ADGRB3: variants seen among roughly 807,000 people sequenced by gnomAD.
The protein encoded by ADGRB3 is brain-specific angiogenesis inhibitor 3.
In ADGRB3, 37 loss-of-function variants were observed where a neutral mutation model predicts 193.4. The ratio of observed to expected loss-of-function variants is 0.19; its 90% CI spans 0.15 to 0.25. The LOEUF is 0.25. Ranked by LOEUF, ADGRB3 falls within the 10% of genes least tolerant of loss-of-function variation. ADGRB3 has a pLI of 1.00. For missense variants in ADGRB3, 1,637 were observed against 1,852.9 expected (o/e 0.88, Z 2.14); for synonymous variants, 690 against 644.2 (o/e 1.07, Z -1.08).
chr6:69,341,879 C>T lies in ADGRB3; in HGVS notation c.3459+2375C>T, dbSNP rs555543856. Among the ~76,000 whole-genome samples, 4 of 152,066 alleles carry T rather than the reference C, an allele frequency of 2.6e-5. No individual in the cohort carries two copies. In the East Asian group the frequency reaches 7.7e-4, roughly 29 times the overall value. On this transcript the variant is annotated intron_variant, in intron 26 of 31. Transcript: ENST00000370598. ...TGCAGTTTTTAGAAGATACTAATACCTTAGGTGTTTAGGAGTAGAACAGTG... is the reference window on the plus strand; with the variant it reads ...TGCAGTTTTTAGAAGATACTAATACTTTAGGTGTTTAGGAGTAGAACAGTG...
In ADGRB3 at chr6:69,260,166, A is replaced by G. The variant is rs1766893855; in HGVS notation, c.2814+20940A>G. On this transcript the variant is annotated intron_variant, in intron 20 of 31. Transcript: ENST00000370598. ...TGAAGGAGGAACACATTAACAGTCAATTTTCTATTAAAAATTAATTTATTA... is the reference window on the plus strand; with the variant it reads ...TGAAGGAGGAACACATTAACAGTCAGTTTTCTATTAAAAATTAATTTATTA... 2.0e-5 allele frequency among the ~76,000 whole-genome samples: 3 copies of G among 152,186 alleles called. No individual in the cohort carries two copies. In the South Asian group the frequency reaches 6.2e-4, roughly 31 times the overall value.
chr6:69,141,941 A>C (rs1053635815), intron 17 of ADGRB3, among the ~76,000 whole-genome samples: 1 of 152,168 alleles, frequency 6.6e-6, no homozygotes, highest in South Asian at 2.1e-4. Flanking sequence ...AATTACATAC[A>C]TTGTCTCAAA....
intron 16 of ADGRB3, 121 bp downstream of exon 16, chr6:69,063,157 G>A: frequency 1.5e-6 from 1 of 651,008 alleles, no homozygotes; most frequent in Non-Finnish European, 2.6e-6. Context: ...ATATTAACTT[G>A]TTATGAGTAT....
At chr6:69,221,408 G>A (rs1156735638) in intron 17 of ADGRB3, among the ~76,000 whole-genome samples, 2 of 152,064 alleles carry the variant, frequency 1.3e-5, no homozygotes, top group African/African-American at 2.4e-5. Context: ...CTTTTCCACT[G>A]CTACTCTCTG....
chr6:69,276,683 A>G (rs1001151045), intron 20 of ADGRB3, among the ~76,000 whole-genome samples: 6 of 152,148 alleles, frequency 3.9e-5, no homozygotes, highest in Admixed American at 3.9e-4. Context: ...GAATGAATAA[A>G]CGAACAGGGT....
intron 3 of ADGRB3, among the ~76,000 whole-genome samples, chr6:68,683,058 T>C (rs1764924245): frequency 6.6e-6 from 1 of 152,268 alleles, no homozygotes; most frequent in Non-Finnish European, 1.5e-5. Flanking sequence ...GTGCTGGGAT[T>C]ATAGGCATGA....
rs1035299818 is a variant in ADGRB3 at position 69,160,319 on chromosome 6, C to T, written c.2481-72971C>T. Among the ~76,000 whole-genome samples the T allele has an allele frequency of 5.9e-5, 9 of 152,168 alleles. 1 individual carries two copies. In the South Asian group the frequency reaches 1.9e-3, roughly 32 times the overall value. On this transcript the variant is annotated intron_variant, in intron 17 of 31. Transcript: ENST00000370598. The stretch of plus-strand genomic sequence containing the variant: ...TCTCTCCTCCTGCCTTTCATCTCTG[C>T]CCTCATGTGCTACCTACCCCTTCAC...
chr6:69,250,699 G>T (rs1260410286), intron 20 of ADGRB3, among the ~76,000 whole-genome samples: 1 of 152,194 alleles, frequency 6.6e-6, no homozygotes, highest in Non-Finnish European at 1.5e-5. Context: ...CATTCCAGGT[G>T]TAATGGAAGC....
intron 17 of ADGRB3, among the ~76,000 whole-genome samples, chr6:69,153,475 G>A (rs1323168954): frequency 6.6e-6 from 1 of 152,160 alleles, no homozygotes; most frequent in African/African-American, 2.4e-5. Flanking sequence ...ATAATAAGGG[G>A]TTGACATTTT....
chr6:69,292,537 TCTTA>T (rs1291675275), intron 20 of ADGRB3, among the ~76,000 whole-genome samples: 1 of 152,182 alleles, frequency 6.6e-6, no homozygotes, highest in Non-Finnish European at 1.5e-5. Context: ...GTCTGTCCAT[TCTTA>T]CTTCCTTCCA....
At chr6:69,043,334 G>GAAAGGAAGGAAGAAAGAAAGAA (rs1554252119) in intron 13 of ADGRB3, among the ~76,000 whole-genome samples, 3,418 of 110,062 alleles carry the variant, frequency 0.031, 241 homozygotes, top group Middle Eastern at 0.098. Context: ...GAAAGAAAGA[G>GAAAGGAAGGAAGAAAGAAAGAA]AAAGAAAAGA....
intron 3 of ADGRB3, among the ~76,000 whole-genome samples, chr6:68,926,129 T>C (rs1461966028): frequency 6.6e-6 from 1 of 152,090 alleles, no homozygotes; most frequent in Non-Finnish European, 1.5e-5. Context: ...ACTTGCACTT[T>C]GGAGAAACAA....
In ADGRB3 at chr6:69,179,839, G is replaced by A. The variant is rs149193679; in HGVS notation, c.2481-53451G>A. ...TAGGTGACACTTATGGGTAAGAGCTGTCTGTGGCCTGTAATGACTAGGCAT... is the reference window on the plus strand; with the variant it reads ...TAGGTGACACTTATGGGTAAGAGCTATCTGTGGCCTGTAATGACTAGGCAT... On this transcript the variant is annotated intron_variant, in intron 17 of 31. Coordinates refer to ENST00000370598, the MANE Select transcript of ADGRB3 (RefSeq NM_001704.3). Among the ~76,000 whole-genome samples, 71 of 152,306 alleles carry A rather than the reference G, an allele frequency of 4.7e-4. 1 individual carries two copies. In the East Asian group the frequency reaches 0.012, roughly 26 times the overall value.
intron 3 of ADGRB3, among the ~76,000 whole-genome samples, chr6:68,740,618 C>T (rs933124283): frequency 3.6e-4 from 54 of 152,080 alleles, no homozygotes; most frequent in Non-Finnish European, 3.1e-4. Flanking sequence ...GGAATCATGT[C>T]CTTGTATGGG....
At chr6:69,159,210 C>T (rs1373605244) in intron 17 of ADGRB3, among the ~76,000 whole-genome samples, 2 of 152,044 alleles carry the variant, frequency 1.3e-5, no homozygotes. Context: ...TCCTCCTAAT[C>T]TACTTTTATG....
intron 20 of ADGRB3, among the ~76,000 whole-genome samples, chr6:69,253,288 C>A (rs1392877427): frequency 1.3e-5 from 2 of 152,010 alleles, no homozygotes; most frequent in Non-Finnish European, 2.9e-5. Context: ...TTTGTCTAAT[C>A]TAGGTTCTTT....
At chr6:69,043,214 A>C (rs552224775) in intron 13 of ADGRB3, among the ~76,000 whole-genome samples, 132 of 151,918 alleles carry the variant, frequency 8.7e-4, no homozygotes, top group African/African-American at 2.9e-3. Context: ...AGAAAAAAGA[A>C]GAGACAAGAA....
At chr6:68,802,283 A>AT (rs1469236546) in intron 3 of ADGRB3, among the ~76,000 whole-genome samples, 1 of 151,740 alleles carries the variant, frequency 6.6e-6, no homozygotes, top group African/African-American at 2.4e-5. Context: ...AGGTGGATTA[A>AT]TTTTATTATA....
At chr6:69,248,403 A>G (rs1057191593) in intron 20 of ADGRB3, among the ~76,000 whole-genome samples, 21 of 152,244 alleles carry the variant, frequency 1.4e-4, no homozygotes, top group African/African-American at 2.2e-4. Context: ...ATGGCCCATG[A>G]TATGAACTTT....
Sources: allele counts gnomAD v4.1 joint callset (sites outside exome capture counted in the v4.1 genomes callset), GRCh38; gene constraint gnomAD v4.1.1; transcripts MANE v1.5; gene names NCBI Gene and HGNC (gene_info 2026-07-23, HGNC 2026-07-21).